The following NLRP8 variants were observed in gnomAD, a reference collection of about 807,000 sequenced individuals.
The protein encoded by NLRP8 is NLR family pyrin domain containing 8.
A neutral mutation model predicts 88.7 loss-of-function variants in NLRP8; 86 were observed. The observed-to-expected ratio is 0.97, with a 90% CI of 0.81 to 1.16. The LOEUF is 1.16. NLRP8 is among the 50% of genes most tolerant of loss of function. The pLI is 0.00. For synonymous variants in NLRP8, 504 were observed against 494.6 expected (o/e 1.02, Z -0.25); for missense variants, 1,342 against 1,286.5 (o/e 1.04, Z -0.66).
At position 55,987,797 on chromosome 19, in the gene NLRP8, C is replaced by T. The variant is rs375839703; in HGVS notation, c.3048-17C>T. On this transcript the variant is annotated splice_polypyrimidine_tract_variant and intron_variant, in intron 9 of 9. Coordinates refer to ENST00000291971, the MANE Select transcript of NLRP8 (RefSeq NM_176811.2). Reference sequence around the variant, plus strand: ...GAAAATAACCTCAACCAGCAGCCTTCCTTTACCTCCCTCCAGCTGTATTCC... The same window carrying T: ...GAAAATAACCTCAACCAGCAGCCTTTCTTTACCTCCCTCCAGCTGTATTCC... 6.3e-7 allele frequency: 1 copy of T among 1,596,618 alleles called. No individual in the cohort carries two copies. The highest frequency in any genetic ancestry group is 8.6e-7 in the Non-Finnish European group (1 of 1,164,228).
chr19:55,968,996 G>A (rs936770738), intron 5 of NLRP8, among the ~76,000 whole-genome samples: 9 of 152,076 alleles, frequency 5.9e-5, no homozygotes, highest in East Asian at 1.9e-4. Flanking sequence ...CATGGCAGAG[G>A]CATTTACCCA....
rs1228570937 is a variant in NLRP8 at position 55,966,276 on chromosome 19, G to A, written c.2277G>A (p.Gln759=). Residue 759 remains glutamine (Q), a synonymous_variant, in exon 5 of 10, where the codon CAG becomes CAA. Coordinates refer to ENST00000291971, the MANE Select transcript of NLRP8 (RefSeq NM_176811.2). ...TAATCGGTGTTTTGACGGGGAACCAGCATCTGAGATACTTGGAAATACAAC... is the reference window on the plus strand; with the variant it reads ...TAATCGGTGTTTTGACGGGGAACCAACATCTGAGATACTTGGAAATACAAC... The A allele has an allele frequency of 6.2e-7, 1 of 1,613,982 alleles. No individual in the cohort carries two copies. Among genetic ancestry groups the A allele is most frequent in the Non-Finnish European group, 8.5e-7 (1 of 1,179,978 alleles).
At chr19:55,963,576 G>A (rs1357725794) in intron 4 of NLRP8, among the ~76,000 whole-genome samples, 4 of 152,036 alleles carry the variant, frequency 2.6e-5, no homozygotes, top group African/African-American at 9.7e-5. Flanking sequence ...TCCAGGTGGG[G>A]TCTTGCTCTC....
intron 9 of NLRP8, among the ~76,000 whole-genome samples, chr19:55,983,184 C>A (rs1021967132): frequency 3.9e-5 from 6 of 152,010 alleles, no homozygotes; most frequent in African/African-American, 1.5e-4. Flanking sequence ...TGAAAGTAGG[C>A]CAGGTGCGGT....
intron 6 of NLRP8, among the ~76,000 whole-genome samples, chr19:55,971,652 G>GACACACAC (rs985716916): frequency 3.1e-5 from 4 of 127,594 alleles, no homozygotes; most frequent in African/African-American, 1.5e-4. Flanking sequence ...GCTACACACA[G>GACACACAC]ACACACACAC....
At chr19:55,961,627 C>A (rs899165229) in intron 3 of NLRP8, among the ~76,000 whole-genome samples, 4 of 144,692 alleles carry the variant, frequency 2.8e-5, no homozygotes, top group African/African-American at 1.1e-4. Flanking sequence ...CATGGAGAAT[C>A]CCTGTTTCTA....
chr19:55,975,506 C>T (rs76785256), intron 7 of NLRP8, among the ~76,000 whole-genome samples: 28 of 152,306 alleles, frequency 1.8e-4, no homozygotes, highest in African/African-American at 6.7e-4. Context: ...TCATAGTACT[C>T]ATAATACCCA....
rs141093910 is a variant in NLRP8, at chr19:55,966,336, A to C, written c.2337A>C (p.Leu779=). The C allele has an allele frequency of 6.2e-7, 1 of 1,614,122 alleles. No individual in the cohort carries two copies. The highest frequency in any genetic ancestry group is 1.1e-5 in the South Asian group (1 of 91,080). ...TGGAGTCCAAAGCTGTGAAGCTTCT[A>C]TGCAGGGTGCTGAGATCCCCCCGGT... The change falls in exon 5 of 10, where the codon CTA becomes CTC. Residue 779 remains leucine, a synonymous_variant. Transcript: ENST00000291971.
At chr19:55,954,332 C>T (rs1014317062) in intron 2 of NLRP8, among the ~76,000 whole-genome samples, 169 bp from the exon 3 acceptor site, 2 of 152,070 alleles carry the variant, frequency 1.3e-5, no homozygotes, top group African/African-American at 4.8e-5. Flanking sequence ...GTTTTCTGTT[C>T]GTTGGTGCTT....
At chr19:55,962,015 AT>A in intron 3 of NLRP8, 51 bp from the exon 4 acceptor site, 1 of 1,586,246 alleles carries the variant, frequency 6.3e-7, no homozygotes, top group South Asian at 1.1e-5. Context: ...TTCCTAGTAG[AT>A]TTTCTCCAGT....
At chr19:55,964,254 G>A (rs1233135027) in intron 4 of NLRP8, among the ~76,000 whole-genome samples, 3 of 152,184 alleles carry the variant, frequency 2.0e-5, no homozygotes, top group African/African-American at 4.8e-5. Context: ...GACAAGCAAT[G>A]GGCTGAGAAT....
Position 55,970,432 on chromosome 19 carries a change from C to T in NLRP8, c.2382-112C>T, listed in dbSNP as rs78902419. The T allele has an allele frequency of 1.7e-3, 2,149 of 1,253,108 alleles. 33 individuals carry two copies. The African/African-American group carries it at 0.029, about 17-fold the overall frequency. The allele number at this position is 1,253,108 out of a possible 1,614,324, so 77.6% of individuals were successfully genotyped here. A position where few individuals can be genotyped will look rare whatever the true frequency, so the allele number is the denominator to read the frequency against. On this transcript the variant is annotated intron_variant, in intron 5 of 9. Coordinates refer to ENST00000291971, the MANE Select transcript of NLRP8 (RefSeq NM_176811.2). The stretch of plus-strand genomic sequence containing the variant: ...TGCTGGCCGGAAAGTTGGAAATAAT[C>T]CCCCGAGTCTCTGCTGTGAAGACTG...
intron 3 of NLRP8, 111 bp downstream of exon 3, chr19:55,956,211 C>A: frequency 8.9e-7 from 1 of 1,124,758 alleles, no homozygotes; most frequent in Non-Finnish European, 1.3e-6. Context: ...TCTTTCCTAG[C>A]CTAGTTTGCA....
In NLRP8 at chr19:55,973,722, C is replaced by T; in HGVS notation, c.2605C>T (p.Leu869=). The T allele has an allele frequency of 1.2e-6, 2 of 1,614,038 alleles. No individual in the cohort carries two copies. Among genetic ancestry groups the T allele is most frequent in the Non-Finnish European group, 1.7e-6 (2 of 1,179,966 alleles). ...CTCCTGTCTCAGGCAGAGTAAGATG[C>T]TGACCCACCTGAGCTTGGCAGAAAA... Residue 869 remains leucine, a synonymous_variant, in exon 7 of 10, where the codon CTG becomes TTG. Transcript: ENST00000291971.
At chr19:55,985,499 T>C (rs892399190) in intron 9 of NLRP8, among the ~76,000 whole-genome samples, 8 of 151,970 alleles carry the variant, frequency 5.3e-5, no homozygotes, top group Non-Finnish European at 1.2e-4. Flanking sequence ...AGGGAAAGGG[T>C]AGTATTGTAA....
chr19:55,958,080 G>T (rs1482523588), intron 3 of NLRP8, among the ~76,000 whole-genome samples: 1 of 152,106 alleles, frequency 6.6e-6, no homozygotes, highest in African/African-American at 2.4e-5. Flanking sequence ...CACACATCTG[G>T]TCGAAGCTAA....
In NLRP8 at chr19:55,948,043, C is replaced by T. The variant is rs576296836; in HGVS notation, c.141C>T (p.Asn47=). 2 of 1,614,078 alleles carry T rather than the reference C, an allele frequency of 1.2e-6. No individual in the cohort carries two copies. The highest frequency in any genetic ancestry group is 1.3e-5 in the African/African-American group (1 of 75,016). ...ATGGGGTCATGCTGTACATGAGAAA[C>T]GTGAGCCATGAGGAGCTACAACGGT... Residue 47 remains asparagine, a synonymous_variant, in exon 1 of 10, where the codon AAC becomes AAT. Transcript: ENST00000291971.
intron 4 of NLRP8, 151 bp downstream of exon 4, chr19:55,962,388 G>A: frequency 1.2e-6 from 1 of 810,870 alleles, no homozygotes; most frequent in East Asian, 2.7e-5. Flanking sequence ...GAGTCATGGG[G>A]TGCGTGGTGA....
rs373219322 is a variant in NLRP8, at chr19:55,971,837, ATTG to A, written c.2534+1147_2534+1149del. Among the ~76,000 whole-genome samples the A allele has an allele frequency of 7.9e-5, 12 of 152,194 alleles. 1 individual carries two copies. Among genetic ancestry groups the A allele is most frequent in the African/African-American group, 2.9e-4 (12 of 41,516 alleles). On this transcript the variant is annotated intron_variant, in intron 6 of 9. Coordinates refer to ENST00000291971, the MANE Select transcript of NLRP8 (RefSeq NM_176811.2). ...CTATCCAAGTCTTACTATTATCAGT[ATTG>A]TTGTTACTGTTATTGCCAATCTGTT...
Sources: gnomAD v4.1 joint callset for allele counts (sites outside exome capture counted in the v4.1 genomes callset) on GRCh38, gnomAD v4.1.1 for gene constraint, MANE v1.5 for transcripts, NCBI Gene and HGNC (gene_info 2026-07-23, HGNC 2026-07-21) for gene names.